HHAT: variants seen among roughly 807,000 people sequenced by gnomAD.
HHAT encodes the protein protein-cysteine N-palmitoyltransferase HHAT.
A neutral mutation model predicts 70.8 loss-of-function variants in HHAT; 47 were observed. That is an observed-to-expected ratio of 0.66 (90% CI 0.53 to 0.85). HHAT has a LOEUF of 0.85. HHAT is among the 40% of genes least tolerant of loss of function. The pLI, the probability that HHAT is intolerant of heterozygous loss-of-function variation, is 0.00. For synonymous variants in HHAT, 228 were observed against 247.6 expected (o/e 0.92, Z 0.74); for missense variants, 609 against 604.8 (o/e 1.01, Z -0.07).
chr1:210,662,383 G>A (rs17188395), intron 11 of HHAT, among the ~76,000 whole-genome samples: 2,574 of 152,302 alleles, frequency 0.017, 35 homozygotes, highest in Middle Eastern at 0.031. Context: ...AGCCTGATTC[G>A]TGGTGTGCCA....
At chr1:210,419,630 T>C (rs561862489) in intron 7 of HHAT, among the ~76,000 whole-genome samples, 4 of 152,360 alleles carry the variant, frequency 2.6e-5, no homozygotes, top group African/African-American at 9.6e-5. Flanking sequence ...ATAGATCTTC[T>C]TAAACAAATC....
chr1:210,564,218 C>T (rs1439855760), intron 9 of HHAT, among the ~76,000 whole-genome samples: 1 of 152,046 alleles, frequency 6.6e-6, no homozygotes, highest in Non-Finnish European at 1.5e-5. Flanking sequence ...CCACCTCAGC[C>T]TCCCAAAGTG....
intron 9 of HHAT, among the ~76,000 whole-genome samples, chr1:210,573,703 G>A (rs1656915771): frequency 1.3e-5 from 2 of 152,194 alleles, no homozygotes; most frequent in Admixed American, 1.3e-4. Flanking sequence ...GTCCCCGCCA[G>A]CTGTCCCTTT....
chr1:210,513,292 A>C (rs1346767269), intron 9 of HHAT, 104 bp downstream of exon 9: 10 of 622,178 alleles, frequency 1.6e-5, no homozygotes, highest in African/African-American at 3.7e-5. Flanking sequence ...AATGGCACTT[A>C]TATATATACT....
At chr1:210,527,270 G>A (rs963462817) in intron 9 of HHAT, among the ~76,000 whole-genome samples, 11 of 151,030 alleles carry the variant, frequency 7.3e-5, no homozygotes, top group Admixed American at 2.6e-4. Flanking sequence ...CTTGCAGCAT[G>A]CTGTGTGGTC....
chr1:210,406,865 G>T (rs1188949866), intron 6 of HHAT, among the ~76,000 whole-genome samples: 1 of 152,234 alleles, frequency 6.6e-6, no homozygotes, highest in South Asian at 2.1e-4. Flanking sequence ...GTAGGGGCCA[G>T]GTATAGACAC....
At chr1:210,441,768 CAATA>C (rs2093514260) in intron 7 of HHAT, among the ~76,000 whole-genome samples, 1 of 151,826 alleles carries the variant, frequency 6.6e-6, no homozygotes, top group South Asian at 2.1e-4. Context: ...TTTTAACACA[CAATA>C]AATATATATA....
chr1:210,451,212 C>T (rs561090676), intron 7 of HHAT, among the ~76,000 whole-genome samples: 8 of 152,158 alleles, frequency 5.3e-5, no homozygotes, highest in South Asian at 2.1e-4. Context: ...TCTGGGTCGC[C>T]GCTGATCTTT....
intron 11 of HHAT, among the ~76,000 whole-genome samples, chr1:210,638,164 A>G (rs747837049): frequency 9.9e-5 from 15 of 152,226 alleles, no homozygotes; most frequent in Non-Finnish European, 2.2e-4. Context: ...TAGAGTTACT[A>G]TATGACATAG....
chr1:210,340,244 A>AGGG (rs1558310328), intron 1 of HHAT, among the ~76,000 whole-genome samples: 19 of 50,482 alleles, frequency 3.8e-4, no homozygotes, highest in South Asian at 1.3e-3. Flanking sequence ...CTGTCTCAGA[A>AGGG]AAAAAAAAAA....
chr1:210,594,731 G>A (rs1002436040), intron 10 of HHAT, among the ~76,000 whole-genome samples: 6 of 152,112 alleles, frequency 3.9e-5, no homozygotes, highest in Non-Finnish European at 8.8e-5. Flanking sequence ...TCTTGTTCTG[G>A]TGTTGATGAA....
chr1:210,647,187 G>A (rs1674230241), intron 11 of HHAT, among the ~76,000 whole-genome samples: 1 of 152,198 alleles, frequency 6.6e-6, no homozygotes, highest in African/African-American at 2.4e-5. Flanking sequence ...TCCTTGGATT[G>A]TAGCTACATC....
intron 9 of HHAT, among the ~76,000 whole-genome samples, chr1:210,561,433 A>G (rs1293840082): frequency 6.6e-6 from 1 of 152,194 alleles, no homozygotes; most frequent in East Asian, 1.9e-4. Flanking sequence ...TGCCACTTTC[A>G]GAGATAGATG....
At chr1:210,452,993 G>GT (rs2093785718) in intron 7 of HHAT, among the ~76,000 whole-genome samples, 2 of 152,182 alleles carry the variant, frequency 1.3e-5, no homozygotes, top group African/African-American at 4.8e-5. Context: ...AGTAATCAGA[G>GT]TTTTTTAGCT....
At chr1:210,662,524 A>G (rs1209545419) in intron 11 of HHAT, among the ~76,000 whole-genome samples, 2 of 152,220 alleles carry the variant, frequency 1.3e-5, no homozygotes, top group Non-Finnish European at 2.9e-5. Flanking sequence ...AGGTTAAAGA[A>G]GAGAAACAGC....
chr1:210,389,151 T>C (rs2091282125), intron 4 of HHAT, among the ~76,000 whole-genome samples: 2 of 152,006 alleles, frequency 1.3e-5, no homozygotes, highest in South Asian at 2.1e-4. Flanking sequence ...AAGGAATTTA[T>C]ACAGTTATGG....
At chr1:210,555,003 G>A (rs1242674067) in intron 9 of HHAT, among the ~76,000 whole-genome samples, 2 of 152,178 alleles carry the variant, frequency 1.3e-5, no homozygotes, top group East Asian at 1.9e-4. Flanking sequence ...GCAAGAGGCT[G>A]TATATTGGGC....
rs777471907 is a variant in HHAT at position 210,387,468 on chromosome 1, G to A, written c.160G>A (p.Asp54Asn). 1.2e-6 allele frequency: 2 copies of A among 1,613,562 alleles called. No individual in the cohort carries two copies. Among genetic ancestry groups the A allele is most frequent in the South Asian group, 2.2e-5 (2 of 91,072 alleles). ...TGATAAACTATTTTGTCCTATTTAG[G>A]ATGCGACCGACTTTGAGTGGAGCTT... Reference protein sequence around the residue: ...TDTLFGGLKKDATDFEWSFWM... With the variant: ...TDTLFGGLKKNATDFEWSFWM... The change falls in exon 4 of 12, where the codon GAT (aspartate) becomes AAT (asparagine). Residue 54 changes from aspartate to asparagine, a missense_variant and splice_region_variant. Coordinates refer to ENST00000261458, the MANE Select transcript of HHAT (RefSeq NM_018194.6).
intron 11 of HHAT, among the ~76,000 whole-genome samples, chr1:210,632,656 C>T (rs77285665): frequency 0.02 from 3,001 of 152,316 alleles, 47 homozygotes; most frequent in Middle Eastern, 0.061. Flanking sequence ...TGTCTGCGTT[C>T]GATTTTACAA....
Sources: gnomAD v4.1 joint callset for allele counts (sites outside exome capture counted in the v4.1 genomes callset) on GRCh38, gnomAD v4.1.1 for gene constraint, MANE v1.5 for transcripts, NCBI Gene and HGNC (gene_info 2026-07-23, HGNC 2026-07-21) for gene names.